The following DLGAP2 variants were observed in gnomAD, a reference collection of about 807,000 sequenced individuals.
DLGAP2 encodes the protein disks large-associated protein 2.
In DLGAP2, 26 loss-of-function variants were observed where a neutral mutation model predicts 100.3. The observed-to-expected ratio is 0.26, with a 90% CI of 0.19 to 0.36. The LOEUF is 0.36. Ranked by LOEUF, DLGAP2 falls within the 10% of genes least tolerant of loss-of-function variation. The pLI, the probability that DLGAP2 is intolerant of heterozygous loss-of-function variation, is 1.00. For missense variants in DLGAP2, 1,858 were observed against 1,453.2 expected (o/e 1.28, Z -4.53); for synonymous variants, 886 against 630.1 (o/e 1.41, Z -6.08).
intron 12 of DLGAP2, among the ~76,000 whole-genome samples, chr8:1,687,500 G>A (rs532238244): frequency 3.3e-5 from 5 of 152,228 alleles, no homozygotes; most frequent in South Asian, 4.2e-4. Context: ...TACATTATAG[G>A]CATCAGATAG....
chr8:1,442,333 G>C (rs1239705947), intron 3 of DLGAP2, among the ~76,000 whole-genome samples: 2 of 151,202 alleles, frequency 1.3e-5, no homozygotes, highest in Non-Finnish European at 2.9e-5. Context: ...AGCCACTGGG[G>C]GAGATGGATC....
In DLGAP2 at chr8:1,549,008, C is replaced by A; in HGVS notation, c.555C>A (p.Ile185=). The change falls in exon 5 of 15, where the codon ATC becomes ATA. Residue 185 remains isoleucine (I), a synonymous_variant. Coordinates refer to ENST00000637795, the MANE Select transcript of DLGAP2 (RefSeq NM_001346810.2). ...DCAVAHAGAK[I]NRIPANLLDQ... ...CTGTGGCCCACGCGGGCGCCAAGATCAACCGCATCCCGGCCAACCTGCTGG... is the reference window on the plus strand; with the variant it reads ...CTGTGGCCCACGCGGGCGCCAAGATAAACCGCATCCCGGCCAACCTGCTGG... 2 of 1,598,318 alleles carry A rather than the reference C, an allele frequency of 1.3e-6. No individual in the cohort carries two copies. Among genetic ancestry groups the A allele is most frequent in the Non-Finnish European group, 8.5e-7 (1 of 1,178,310 alleles).
intron 2 of DLGAP2, among the ~76,000 whole-genome samples, chr8:1,189,470 C>G (rs1797588695): frequency 6.6e-6 from 1 of 152,162 alleles, no homozygotes; most frequent in South Asian, 2.1e-4. Context: ...TTAAACCAGA[C>G]CTTCTTTTAT....
At chr8:1,281,831 G>T (rs1344143684) in intron 3 of DLGAP2, among the ~76,000 whole-genome samples, 1 of 152,228 alleles carries the variant, frequency 6.6e-6, no homozygotes, top group Non-Finnish European at 1.5e-5. Flanking sequence ...TGCAACGTTT[G>T]ATTTGCGACG....
chr8:1,364,463 C>A (rs1009652998), intron 3 of DLGAP2, among the ~76,000 whole-genome samples: 13 of 148,088 alleles, frequency 8.8e-5, no homozygotes, highest in Admixed American at 8.1e-4. Flanking sequence ...TGAAAGGGCA[C>A]CGCTGCGAGA....
chr8:1,131,033 A>G (rs1257689383), intron 2 of DLGAP2, among the ~76,000 whole-genome samples: 1 of 152,204 alleles, frequency 6.6e-6, no homozygotes, highest in Admixed American at 6.5e-5. Context: ...AGTTTTCTTT[A>G]GAAGGATGCG....
At chr8:1,265,935 A>G (rs1303439606) in intron 3 of DLGAP2, among the ~76,000 whole-genome samples, 3 of 152,252 alleles carry the variant, frequency 2.0e-5, no homozygotes, top group Non-Finnish European at 2.9e-5. Flanking sequence ...AGATAAAATC[A>G]TTGTTTAATG....
At chr8:1,490,310 C>T (rs926549951) in intron 3 of DLGAP2, among the ~76,000 whole-genome samples, 4 of 152,200 alleles carry the variant, frequency 2.6e-5, no homozygotes. Context: ...ATCGAAGCAC[C>T]TTACGTGCGG....
chr8:1,212,676 G>A (rs1350294914), intron 2 of DLGAP2, among the ~76,000 whole-genome samples: 5 of 152,012 alleles, frequency 3.3e-5, no homozygotes, highest in African/African-American at 1.2e-4. Context: ...GCCAGCAAAT[G>A]ACCTCACCCT....
rs147349313 is a variant in DLGAP2 at position 1,360,671 on chromosome 8, G to C, written c.106+101788G>C. On this transcript the variant is annotated intron_variant, in intron 3 of 14. Transcript: ENST00000637795. ...ATCCTGAAGGCAACTGCAGCTCTCAGAGACCGAGAAACACACACCACACCG... is the reference window on the plus strand; with the variant it reads ...ATCCTGAAGGCAACTGCAGCTCTCACAGACCGAGAAACACACACCACACCG... Among the ~76,000 whole-genome samples, 369 of 152,330 alleles carry C rather than the reference G, an allele frequency of 2.4e-3. 3 individuals are homozygous for C. Among genetic ancestry groups the C allele is most frequent in the Non-Finnish European group, 4.2e-3 (283 of 68,034 alleles).
chr8:1,426,991 A>G (rs971798912), intron 3 of DLGAP2, among the ~76,000 whole-genome samples: 24 of 152,344 alleles, frequency 1.6e-4, no homozygotes, highest in Middle Eastern at 6.8e-3. Context: ...ATTAAAAACT[A>G]TGAGTGCTTA....
intron 2 of DLGAP2, among the ~76,000 whole-genome samples, chr8:972,927 G>A (rs368226644): frequency 2.5e-4 from 38 of 152,324 alleles, no homozygotes; most frequent in African/African-American, 7.5e-4. Flanking sequence ...AGAGACCACC[G>A]TGTTGGGGGT....
chr8:1,492,408 A>C (rs1407199029), intron 3 of DLGAP2, among the ~76,000 whole-genome samples: 1 of 152,200 alleles, frequency 6.6e-6, no homozygotes, highest in Non-Finnish European at 1.5e-5. Context: ...GTAAAAGTAA[A>C]CTTTTCAAGA....
rs187846292 is a variant in DLGAP2, at chr8:855,389, G to A, written c.19-52523G>A. 8.5e-5 allele frequency among the ~76,000 whole-genome samples: 13 copies of A among 152,302 alleles called. No homozygotes were observed. In the East Asian group the frequency reaches 2.3e-3, roughly 27 times the overall value. On this transcript the variant is annotated intron_variant, in intron 1 of 14. Transcript: ENST00000637795. ...CTCAACACTGGGACCAAAGCTGAGT[G>A]TGAGCTGCAGGAATGTCCGCTGAAT... is the stretch of plus-strand genomic sequence containing the variant.
chr8:1,389,213 A>G (rs1796289078), intron 3 of DLGAP2, among the ~76,000 whole-genome samples: 1 of 152,064 alleles, frequency 6.6e-6, no homozygotes, highest in African/African-American at 2.4e-5. Flanking sequence ...GGGAAATGCC[A>G]TAATGGGAGG....
At chr8:1,307,859 G>C (rs1800525977) in intron 3 of DLGAP2, among the ~76,000 whole-genome samples, 1 of 152,178 alleles carries the variant, frequency 6.6e-6, no homozygotes, top group Non-Finnish European at 1.5e-5. Context: ...GCCGGGGACT[G>C]GGCGCTGGAG....
rs531736088 is a variant in DLGAP2 at position 1,342,692 on chromosome 8, C to G, written c.106+83809C>G. On this transcript the variant is annotated intron_variant, in intron 3 of 14. Coordinates refer to ENST00000637795, the MANE Select transcript of DLGAP2 (RefSeq NM_001346810.2). Reference sequence around the variant, plus strand: ...TTCTCATCCCTAACTTTATATTCCTCTCTTAACATTAATTGAAAATGACTA... The same window carrying G: ...TTCTCATCCCTAACTTTATATTCCTGTCTTAACATTAATTGAAAATGACTA... Among the ~76,000 whole-genome samples the G allele has an allele frequency of 3.4e-4, 52 of 152,338 alleles. 1 individual carries two copies. The highest frequency in any genetic ancestry group is 6.8e-3 in the Middle Eastern group (2 of 294).
chr8:1,639,632 C>A (rs1173783886), intron 8 of DLGAP2, among the ~76,000 whole-genome samples: 1 of 133,216 alleles, frequency 7.5e-6, no homozygotes, highest in African/African-American at 3.1e-5. Flanking sequence ...GTCACAAGCC[C>A]TATGGTCTCC....
In DLGAP2 at chr8:1,187,935, G is replaced by T. The variant is rs370762700; in HGVS notation, c.74-70916G>T. Among the ~76,000 whole-genome samples, 8 of 118,196 alleles carry T rather than the reference G, an allele frequency of 6.8e-5. 1 individual carries two copies. The East Asian group carries it at 9.5e-4, about 14-fold the overall frequency. 77.5% of individuals were successfully genotyped at this position (118,196 alleles called of 152,430 possible). On this transcript the variant is annotated intron_variant, in intron 2 of 14. Coordinates refer to ENST00000637795, the MANE Select transcript of DLGAP2 (RefSeq NM_001346810.2). ...ACATTTGCCTCACGGAATCTTGCACGCCCGGGACTTCCGTGACGTTTCCCT... is the reference window on the plus strand; with the variant it reads ...ACATTTGCCTCACGGAATCTTGCACTCCCGGGACTTCCGTGACGTTTCCCT...
Sources: gnomAD v4.1 joint callset for allele counts (sites outside exome capture counted in the v4.1 genomes callset) on GRCh38, gnomAD v4.1.1 for gene constraint, MANE v1.5 for transcripts, NCBI Gene and HGNC (gene_info 2026-07-23, HGNC 2026-07-21) for gene names.